Variants in PRIM2 observed in about 807,000 individuals in gnomAD.
PRIM2 encodes DNA primase subunit 2.
Under a neutral mutation model 67.3 loss-of-function variants are expected in PRIM2, and 39 were observed. That is an observed-to-expected ratio of 0.58 (90% CI 0.45 to 0.76). The LOEUF is 0.76. Ranked by LOEUF, PRIM2 falls within the 30% of genes least tolerant of loss-of-function variation. PRIM2 has a pLI of 0.00. For missense variants in PRIM2, 398 were observed against 598.7 expected (o/e 0.66, Z 3.50); for synonymous variants, 143 against 198.7 (o/e 0.72, Z 2.36).
chr6:57,477,382 C>T (rs1296723750), intron 7 of PRIM2, among the ~76,000 whole-genome samples: 160 of 152,134 alleles, frequency 1.1e-3, no homozygotes, highest in African/African-American at 3.6e-3. Flanking sequence ...CAGTTTGGGG[C>T]GTATGTATTC....
chr6:57,344,792 C>T (rs1227915029), intron 5 of PRIM2, among the ~76,000 whole-genome samples: 2 of 152,082 alleles, frequency 1.3e-5, no homozygotes, highest in Admixed American at 1.3e-4. Flanking sequence ...GTCTTAGTGA[C>T]AATATTTTAG....
At chr6:57,536,967 A>G (rs1463163288) in intron 9 of PRIM2, among the ~76,000 whole-genome samples, 2 of 152,172 alleles carry the variant, frequency 1.3e-5, no homozygotes, top group African/African-American at 4.8e-5. Flanking sequence ...AAAATTTAAT[A>G]CGGAAGTAAG....
chr6:57,307,969 C>T, the PRIM2 span, among the ~76,000 whole-genome samples: 1 of 152,102 alleles, frequency 6.6e-6, no homozygotes, highest in African/African-American at 2.4e-5. Context: ...CCAGCATATA[C>T]AGTATTGTCC....
chr6:57,391,791 G>C (rs1013866996), intron 7 of PRIM2, among the ~76,000 whole-genome samples: 1 of 152,082 alleles, frequency 6.6e-6, no homozygotes, highest in African/African-American at 2.4e-5. Flanking sequence ...GAAATTGGTA[G>C]TGTGATGCCT....
intron 7 of PRIM2, among the ~76,000 whole-genome samples, chr6:57,418,471 A>G (rs1771354394): frequency 7.5e-6 from 1 of 133,002 alleles, no homozygotes; most frequent in Non-Finnish European, 1.5e-5. Context: ...ATCTCGGCTC[A>G]CTACAACCTC....
At chr6:57,611,685 C>G (rs1190359323) in intron 12 of PRIM2, among the ~76,000 whole-genome samples, 3 of 152,026 alleles carry the variant, frequency 2.0e-5, no homozygotes, top group African/African-American at 7.2e-5. Context: ...GTGAAACTTA[C>G]AAAAGAAAAC....
At chr6:57,269,111 T>C in the PRIM2 span, among the ~76,000 whole-genome samples, 4 of 152,134 alleles carry the variant, frequency 2.6e-5, no homozygotes, top group African/African-American at 7.2e-5. Context: ...CATGTGTCTT[T>C]ATAGCAGCAT....
At chr6:57,226,673 T>C in the PRIM2 span, among the ~76,000 whole-genome samples, 2 of 152,182 alleles carry the variant, frequency 1.3e-5, no homozygotes, top group African/African-American at 4.8e-5. Flanking sequence ...GACTGCTATC[T>C]AGGGAAAACA....
intron 7 of PRIM2, among the ~76,000 whole-genome samples, chr6:57,395,532 G>A (rs1770491604): frequency 6.6e-6 from 1 of 152,042 alleles, no homozygotes; most frequent in Non-Finnish European, 1.5e-5. Context: ...TCTTAGTTAT[G>A]TTATTTGGAT....
intron 7 of PRIM2, among the ~76,000 whole-genome samples, chr6:57,386,203 TAGTG>T (rs1210720705): frequency 2.6e-5 from 4 of 151,462 alleles, no homozygotes; most frequent in East Asian, 1.9e-4. Context: ...CTGGGCAACA[TAGTG>T]AGAATCAGTC....
chr6:57,468,684 A>C (rs1428445564), intron 7 of PRIM2, among the ~76,000 whole-genome samples: 10 of 152,186 alleles, frequency 6.6e-5, no homozygotes, highest in Admixed American at 6.5e-4. Flanking sequence ...CTAAGTACTT[A>C]CTATTTTTAG....
At chr6:57,620,609 A>G (rs1776834654) in intron 12 of PRIM2, among the ~76,000 whole-genome samples, 1 of 152,224 alleles carries the variant, frequency 6.6e-6, no homozygotes, top group Non-Finnish European at 1.5e-5. Context: ...AAAACAGAAT[A>G]TCTTTAAAGC....
chr6:57,516,573 C>A (rs1243366152), intron 8 of PRIM2, among the ~76,000 whole-genome samples: 7 of 152,088 alleles, frequency 4.6e-5, no homozygotes, highest in African/African-American at 1.7e-4. Flanking sequence ...AAAACTCTTT[C>A]CTGTCTTATC....
intron 10 of PRIM2, among the ~76,000 whole-genome samples, chr6:57,541,977 T>G (rs1775167933): frequency 6.9e-6 from 1 of 144,474 alleles, no homozygotes; most frequent in Non-Finnish European, 1.5e-5. Flanking sequence ...GTTTTGGTTT[T>G]TTTTTTTTTT....
At chr6:57,503,155 C>T (rs1554347034) in intron 7 of PRIM2, among the ~76,000 whole-genome samples, 18 of 152,026 alleles carry the variant, frequency 1.2e-4, no homozygotes, top group Non-Finnish European at 1.5e-4. Flanking sequence ...TCTAAGCAGT[C>T]GGGGGAAAGT....
intron 7 of PRIM2, among the ~76,000 whole-genome samples, chr6:57,440,281 A>G (rs921234832): frequency 3.3e-5 from 5 of 150,476 alleles, no homozygotes; most frequent in African/African-American, 1.2e-4. Flanking sequence ...CTTTCTGTTT[A>G]TTTATTTTTA....
chr6:57,349,966 C>G (rs6901604), intron 5 of PRIM2, among the ~76,000 whole-genome samples: 1 of 152,108 alleles, frequency 6.6e-6, no homozygotes, highest in African/African-American at 2.4e-5. Flanking sequence ...ATTAGCAAAG[C>G]AGATGAAGGA....
chr6:57,453,919 G>C (rs1772655438), intron 7 of PRIM2, among the ~76,000 whole-genome samples: 1 of 152,092 alleles, frequency 6.6e-6, no homozygotes, highest in Non-Finnish European at 1.5e-5. Context: ...TATTGGCTGT[G>C]GGTTTGTCAT....
chr6:57,413,052 G>T (rs569001897), intron 7 of PRIM2, among the ~76,000 whole-genome samples: 514 of 152,006 alleles, frequency 3.4e-3, no homozygotes, highest in Non-Finnish European at 4.3e-3. Context: ...GAAAGTTTCT[G>T]GGGAGTAGCT....
Sources: gnomAD v4.1 joint callset for allele counts (sites outside exome capture counted in the v4.1 genomes callset) on GRCh38, gnomAD v4.1.1 for gene constraint, MANE v1.5 for transcripts, NCBI Gene and HGNC (gene_info 2026-07-23, HGNC 2026-07-21) for gene names.